EAF2: variants seen among roughly 807,000 people sequenced by gnomAD.
EAF2 encodes ELL-associated factor 2.
In EAF2, 29 loss-of-function variants were observed where a neutral mutation model predicts 29.4. That is an observed-to-expected ratio of 0.99 (90% CI 0.73 to 1.35). The LOEUF is 1.35. Ranked by LOEUF, EAF2 falls within the 40% of genes most tolerant of loss-of-function variation. The probability of loss-of-function intolerance (pLI) is 0.00; values close to 1 mark genes in which losing one functional copy is unlikely to be tolerated. For missense variants in EAF2, 292 were observed against 312.0 expected, an observed-to-expected ratio of 0.94 and a Z score of 0.48; for synonymous variants, 103 against 102.5, an observed-to-expected ratio of 1.00 and a Z score of -0.03.
At chr3:121,841,841 A>G (rs1225851594) in intron 1 of EAF2, among the ~76,000 whole-genome samples, 2 of 151,898 alleles carry the variant, frequency 1.3e-5, no homozygotes, top group East Asian at 1.9e-4. Context: ...AACCGTCTCT[A>G]CTGAAAATAC....
chr3:121,850,994 C>T (rs1232176444), intron 2 of EAF2, among the ~76,000 whole-genome samples: 1 of 152,120 alleles, frequency 6.6e-6, no homozygotes, highest in Non-Finnish European at 1.5e-5. Context: ...AGCCACCGTG[C>T]CCGGCCAAGT....
At chr3:121,884,886 T>C (rs1480117538) in intron 5 of EAF2, among the ~76,000 whole-genome samples, 1 of 152,184 alleles carries the variant, frequency 6.6e-6, no homozygotes, top group Non-Finnish European at 1.5e-5. Context: ...TTAAAAAATA[T>C]AAGAATTTTT....
chr3:121,836,532 T>G (rs191538019), intron 1 of EAF2: 1 of 701,070 alleles, frequency 1.4e-6, no homozygotes, highest in Admixed American at 6.3e-5. Flanking sequence ...AGGGTTTTTT[T>G]AAAGCAAAAT....
intron 4 of EAF2, among the ~76,000 whole-genome samples, chr3:121,857,677 A>C (rs1171696017): frequency 6.6e-6 from 1 of 152,010 alleles, no homozygotes; most frequent in African/African-American, 2.4e-5. Context: ...GTATCATTTT[A>C]TTTATTTTAT....
At chr3:121,846,802 A>G (rs2107505245) in intron 2 of EAF2, among the ~76,000 whole-genome samples, 1 of 152,202 alleles carries the variant, frequency 6.6e-6, no homozygotes, top group South Asian at 2.1e-4. Context: ...TTCTCCTCCA[A>G]AGAAATGAGG....
chr3:121,866,579 G>C (rs1048131276), intron 4 of EAF2, among the ~76,000 whole-genome samples: 1 of 151,994 alleles, frequency 6.6e-6, no homozygotes, highest in African/African-American at 2.4e-5. Context: ...ACAAAAATTA[G>C]CTGGGTGTGG....
chr3:121,836,027 C>T (rs1053550292), intron 1 of EAF2, among the ~76,000 whole-genome samples: 1 of 152,112 alleles, frequency 6.6e-6, no homozygotes, highest in African/African-American at 2.4e-5. Context: ...TCTTTATGTC[C>T]TCTGGAACTA....
intron 5 of EAF2, among the ~76,000 whole-genome samples, chr3:121,874,939 G>A (rs181964309): frequency 5.9e-5 from 9 of 151,796 alleles, no homozygotes; most frequent in African/African-American, 2.2e-4. Flanking sequence ...GTACTTTCAG[G>A]GAAAGGTATA....
chr3:121,839,328 C>G (rs1321362724), intron 1 of EAF2, among the ~76,000 whole-genome samples: 2 of 152,308 alleles, frequency 1.3e-5, no homozygotes, highest in Non-Finnish European at 1.5e-5. Context: ...TATTCATCCT[C>G]CGTGTGACTA....
chr3:121,853,077 A>G (rs989053871), intron 2 of EAF2, among the ~76,000 whole-genome samples: 1 of 152,136 alleles, frequency 6.6e-6, no homozygotes, highest in African/African-American at 2.4e-5. Context: ...ACATTTTGCT[A>G]ATCTTTTTAT....
Position 121,854,757 on chromosome 3 carries a change from TTAACCATGA to T in EAF2, c.275_283del (p.Asn92_Asp94del). 1.3e-6 allele frequency: 2 copies of T among 1,570,712 alleles called. No homozygotes were observed. The highest frequency in any genetic ancestry group is 8.6e-7 in the Non-Finnish European group (1 of 1,168,098). On this transcript the variant is annotated inframe_deletion, in exon 3 of 6. Coordinates refer to ENST00000273668, the MANE Select transcript of EAF2 (RefSeq NM_018456.6). ...TACTTAAAAGAATGCATTTTGATTATTAACCATGATACTGGAGAATGTCGGCTAGAAAAA... is the reference window on the plus strand; with the variant it reads ...TACTTAAAAGAATGCATTTTGATTATTACTGGAGAATGTCGGCTAGAAAAA...
chr3:121,849,736 G>A (rs1037597120), intron 2 of EAF2, among the ~76,000 whole-genome samples: 3 of 151,912 alleles, frequency 2.0e-5, no homozygotes, highest in African/African-American at 7.3e-5. Flanking sequence ...TTCTCCAATG[G>A]GTTTACTTAG....
At chr3:121,885,159 GTAAAT>G (rs1377751415) in intron 5 of EAF2, among the ~76,000 whole-genome samples, 1 of 152,150 alleles carries the variant, frequency 6.6e-6, no homozygotes, top group African/African-American at 2.4e-5. Context: ...TGATAACTCA[GTAAAT>G]GATTTATCCA....
intron 1 of EAF2, among the ~76,000 whole-genome samples, chr3:121,841,467 T>G (rs531952519): frequency 7.6e-6 from 1 of 131,592 alleles, no homozygotes; most frequent in East Asian, 2.2e-4. Flanking sequence ...ATCGCGCCAC[T>G]GTACTCCATC....
intron 2 of EAF2, among the ~76,000 whole-genome samples, chr3:121,845,708 A>G (rs1321833975): frequency 6.6e-6 from 1 of 151,962 alleles, no homozygotes; most frequent in Non-Finnish European, 1.5e-5. Context: ...TCCAATGATT[A>G]GAATTCTAAT....
rs758810086 is a variant in EAF2 at position 121,835,348 on chromosome 3, G to A, written c.63G>A (p.Glu21=). 6.2e-7 allele frequency: 1 copy of A among 1,614,180 alleles called. No homozygotes were observed. Among genetic ancestry groups the A allele is most frequent in the Non-Finnish European group, 8.5e-7 (1 of 1,180,006 alleles). ...DRRERVLKLG[E]SFEKQPRCAF... Reference sequence around the variant, plus strand: ...GCGAGCGGGTTCTCAAGTTAGGGGAGAGTTTCGAGAAGCAGCCGCGCTGCG... The same window carrying A: ...GCGAGCGGGTTCTCAAGTTAGGGGAAAGTTTCGAGAAGCAGCCGCGCTGCG... Residue 21 remains glutamate, a synonymous_variant, in exon 1 of 6, where the codon GAG becomes GAA. Coordinates refer to ENST00000273668, the MANE Select transcript of EAF2 (RefSeq NM_018456.6).
At position 121,857,048 on chromosome 3, in the gene EAF2, C is replaced by G. The variant is rs1213815766; in HGVS notation, c.376C>G (p.Gln126Glu). The change falls in exon 4 of 6, where the codon CAA (glutamine) becomes GAA (glutamate). Residue 126 changes from glutamine (Q) to glutamate (E), a missense_variant. Coordinates refer to ENST00000273668, the MANE Select transcript of EAF2 (RefSeq NM_018456.6). ...CAGTAAAATTCAGTATCGTAAAGAA[C>G]AACAGCAACAACAAATGTGGAATTC... ...GSSKIQYRKE[Q>E]QQQQMWNSAR... is the part of the protein sequence containing the mutation. The G allele has an allele frequency of 6.2e-7, 1 of 1,613,642 alleles. No individual in the cohort carries two copies. Among genetic ancestry groups the G allele is most frequent in the East Asian group, 2.2e-5 (1 of 44,856 alleles).
chr3:121,851,797 G>A (rs750097184), intron 2 of EAF2, among the ~76,000 whole-genome samples: 3 of 152,176 alleles, frequency 2.0e-5, no homozygotes, highest in Non-Finnish European at 2.9e-5. Context: ...GGTGAATGAC[G>A]ATTGAAGGTG....
chr3:121,880,059 T>G (rs1709167091), intron 5 of EAF2, among the ~76,000 whole-genome samples: 1 of 152,232 alleles, frequency 6.6e-6, no homozygotes, highest in African/African-American at 2.4e-5. Context: ...ATTTCTTTAA[T>G]CAGTGTTTTA....
Sources: allele counts gnomAD v4.1 joint callset (sites outside exome capture counted in the v4.1 genomes callset), GRCh38; gene constraint gnomAD v4.1.1; transcripts MANE v1.5; gene names NCBI Gene and HGNC (gene_info 2026-07-23, HGNC 2026-07-21).